The following SLK variants were observed in gnomAD, a reference collection of about 807,000 sequenced individuals.
The protein encoded by SLK is STE20 like kinase.
SLK carries 67 observed loss-of-function variants against 147.7 expected under a neutral mutation model. The observed-to-expected ratio is 0.45, with a 90% CI of 0.37 to 0.56. The LOEUF is 0.56. SLK is among the 20% of genes least tolerant of loss of function. The pLI, the probability that SLK is intolerant of heterozygous loss-of-function variation, is 0.00. For missense variants in SLK, 1,136 were observed against 1,438.8 expected, an observed-to-expected ratio of 0.79 and a Z score of 3.41; for synonymous variants, 441 against 475.0, an observed-to-expected ratio of 0.93 and a Z score of 0.93.
intron 12 of SLK, among the ~76,000 whole-genome samples, chr10:104,009,247 A>G (rs1046599587): frequency 6.6e-6 from 1 of 152,132 alleles, no homozygotes; most frequent in Non-Finnish European, 1.5e-5. Flanking sequence ...ATTGTGATCA[A>G]TTTTATTAGG....
rs1844314768 is a variant in SLK at position 104,005,635 on chromosome 10, A to G, written c.2424A>G (p.Thr808=). The change falls in exon 10 of 19, where the codon ACA becomes ACG. Residue 808 remains threonine, a synonymous_variant. Transcript: ENST00000369755. ...FIVDGVEVSV[T]TSKIVTDSDS... is the part of the protein sequence containing the mutation. ...TTGATGGTGTAGAAGTGAGTGTAAC[A>G]ACATCAAAGATAGTTACAGATAGTG... 2 of 1,608,528 alleles carry G rather than the reference A, an allele frequency of 1.2e-6. No individual in the cohort carries two copies. Among genetic ancestry groups the G allele is most frequent in the East Asian group, 4.5e-5 (2 of 44,784 alleles).
intron 1 of SLK, among the ~76,000 whole-genome samples, chr10:103,988,406 C>T (rs1324782474): frequency 4.6e-5 from 7 of 152,098 alleles, no homozygotes; most frequent in Non-Finnish European, 1.0e-4. Context: ...ATTAACGGAA[C>T]GCTAAGCTTG....
rs1397523638 is a variant in SLK, at chr10:103,999,258, G to A, written c.727G>A (p.Val243Met). The change falls in exon 6 of 19, where the codon GTG becomes ATG. Residue 243 changes from valine to methionine, a missense_variant. This residue lies in a region of SLK where 141 missense variants were observed against 219.3 expected (regional missense o/e 0.64). Transcript: ENST00000369755. ...PPHHELNPMRVLLKIAKSEPP... is the reference protein window; with the variant it reads ...PPHHELNPMRMLLKIAKSEPP... ...TCATCATGAATTAAATCCAATGCGA[G>A]TGCTGCTAAAAATAGCAAAATCTGA... 2 of 1,613,390 alleles carry A rather than the reference G, an allele frequency of 1.2e-6. No individual in the cohort carries two copies. Among genetic ancestry groups the A allele is most frequent in the East Asian group, 2.2e-5 (1 of 44,826 alleles).
In SLK at chr10:104,025,027, T is replaced by A. The variant is rs530143632; in HGVS notation, c.3562-547T>A. ...GATTTGGGGGGCACAGACATTCACA[T>A]CACAATGGTGCCTCTTACATTTCTC... On this transcript the variant is annotated intron_variant, in intron 18 of 18. Coordinates refer to ENST00000369755, the MANE Select transcript of SLK (RefSeq NM_014720.4). Among the ~76,000 whole-genome samples the A allele has an allele frequency of 3.1e-4, 47 of 152,316 alleles. 1 individual carries two copies. The highest frequency in any genetic ancestry group is 1.1e-3 in the African/African-American group (47 of 41,574).
intron 1 of SLK, among the ~76,000 whole-genome samples, chr10:103,968,816 G>GT (rs1339772896): frequency 6.6e-6 from 1 of 152,202 alleles, no homozygotes; most frequent in African/African-American, 2.4e-5. Context: ...AGGCAGGTCA[G>GT]TATTAGTATC....
At chr10:104,004,738 A>G (rs1238405516) in intron 9 of SLK, among the ~76,000 whole-genome samples, 2 of 152,220 alleles carry the variant, frequency 1.3e-5, no homozygotes, top group Non-Finnish European at 1.5e-5. Context: ...TTTCTTCCAT[A>G]TCAACACCCA....
Position 104,018,273 on chromosome 10 carries a change from G to A in SLK, c.2991G>A (p.Lys997=). ...ANIERECLNN[K]QQLMRAREAA... ...TTGAGAGAGAGTGCCTGAATAACAA[G>A]CAACAGCTCATGAGAGGTAATTTTT... Residue 997 remains lysine (K), a synonymous_variant, in exon 14 of 19, where the codon AAG becomes AAA. Coordinates refer to ENST00000369755, the MANE Select transcript of SLK (RefSeq NM_014720.4). The A allele has an allele frequency of 6.3e-7, 1 of 1,598,578 alleles. No homozygotes were observed. Among genetic ancestry groups the A allele is most frequent in the African/African-American group, 1.4e-5 (1 of 73,724 alleles).
At position 104,019,851 on chromosome 10, in the gene SLK, G is replaced by A; in HGVS notation, c.3250G>A (p.Ala1084Thr). 2 of 1,614,060 alleles carry A rather than the reference G, an allele frequency of 1.2e-6. No homozygotes were observed. Among genetic ancestry groups the A allele is most frequent in the Non-Finnish European group, 1.7e-6 (2 of 1,179,940 alleles). ...IQRSEAKTRM[A>T]MFKKSLRINS... Reference sequence around the variant, plus strand: ...GCGCAGTGAAGCCAAGACTCGAATGGCCATGTTTAAGAAGAGTTTGAGAAT... The same window carrying A: ...GCGCAGTGAAGCCAAGACTCGAATGACCATGTTTAAGAAGAGTTTGAGAAT... Residue 1084 changes from alanine to threonine, a missense_variant, in exon 16 of 19, where the codon GCC (alanine) becomes ACC (threonine). Ala to Thr is a moderately conservative substitution (Grantham distance 58, BLOSUM62 0). Transcript: ENST00000369755.
intron 1 of SLK, among the ~76,000 whole-genome samples, chr10:103,984,322 T>C (rs1843985133): frequency 6.6e-6 from 1 of 152,226 alleles, no homozygotes; most frequent in Non-Finnish European, 1.5e-5. Context: ...TTGATATTAA[T>C]ATGCTCAAAT....
At chr10:103,989,471 T>C (rs1368227159) in intron 1 of SLK, among the ~76,000 whole-genome samples, 10 of 140,646 alleles carry the variant, frequency 7.1e-5, no homozygotes, top group African/African-American at 2.5e-4. Context: ...TTTCTTTTTT[T>C]TTTTTTTTTT....
intron 10 of SLK, 61 bp downstream of exon 10, chr10:104,005,752 T>A: frequency 6.5e-7 from 1 of 1,541,120 alleles, no homozygotes; most frequent in Non-Finnish European, 8.9e-7. Flanking sequence ...CTCTGAAAAG[T>A]CAGAAGAATA....
chr10:104,000,567 C>A (rs1387031454), intron 7 of SLK, among the ~76,000 whole-genome samples: 1 of 152,124 alleles, frequency 6.6e-6, no homozygotes, highest in African/African-American at 2.4e-5. Context: ...TTGTTACCCC[C>A]ACACTTGAAG....
Position 104,025,670 on chromosome 10 carries a change from C to T in SLK, c.3658C>T (p.Arg1220Trp), listed in dbSNP as rs1290681260. ...ATGCCTTAACCCATCAACACAGAGC[C>T]GGATTTCCAAATTTTATCCTATTCC... ...SECLNPSTQS[R>W]ISKFYPIPSL... Residue 1220 changes from arginine to tryptophan, a missense_variant, in exon 19 of 19, where the codon CGG becomes TGG. By Grantham distance (101) the Arg-to-Trp change is moderately radical. Coordinates refer to ENST00000369755, the MANE Select transcript of SLK (RefSeq NM_014720.4). 5 of 1,613,790 alleles carry T rather than the reference C, an allele frequency of 3.1e-6. No individual in the cohort carries two copies. Among genetic ancestry groups the T allele is most frequent in the Admixed American group, 1.7e-5 (1 of 59,990 alleles).
At chr10:103,983,841 C>T (rs147284949) in intron 1 of SLK, among the ~76,000 whole-genome samples, 8 of 152,220 alleles carry the variant, frequency 5.3e-5, no homozygotes, top group Non-Finnish European at 1.0e-4. Context: ...TCACAGGACC[C>T]CTCTTCAGAG....
At position 104,018,200 on chromosome 10, in the gene SLK, G is replaced by A. The variant is rs1347655569; in HGVS notation, c.2918G>A (p.Gly973Asp). The change falls in exon 14 of 19, where the codon GGC (glycine) becomes GAC (aspartate). Residue 973 changes from glycine (G) to aspartate (D), a missense_variant. By Grantham distance (94) the Gly-to-Asp change is moderately conservative. Transcript: ENST00000369755. ...FVQKQQQELD[G>D]SLKKIIQQQK... ...CAGAAACAACAGCAAGAATTAGATG[G>A]CTCTCTGAAAAAGATCATCCAGCAG... is the stretch of plus-strand genomic sequence containing the variant. 1.3e-5 allele frequency: 21 copies of A among 1,606,254 alleles called. No individual in the cohort carries two copies. The highest frequency in any genetic ancestry group is 3.5e-5 in the Admixed American group (2 of 57,806).
chr10:103,986,923 G>A (rs904873255), intron 1 of SLK, among the ~76,000 whole-genome samples: 6 of 152,030 alleles, frequency 3.9e-5, no homozygotes, highest in Non-Finnish European at 7.4e-5. Flanking sequence ...TGATCCGCCC[G>A]CCTTGGCCTC....
At chr10:104,017,205 CAT>C (rs1283083084) in intron 13 of SLK, among the ~76,000 whole-genome samples, 4 of 152,278 alleles carry the variant, frequency 2.6e-5, no homozygotes, top group Non-Finnish European at 5.9e-5. Context: ...GAATCCGAAA[CAT>C]GTTTATAGAA....
chr10:104,021,522 A>G (rs1589548260), intron 17 of SLK, 98 bp from the exon 18 acceptor site: 1 of 656,074 alleles, frequency 1.5e-6, no homozygotes, highest in Non-Finnish European at 2.7e-6. Flanking sequence ...TAATAGCATG[A>G]TATTTGATGA....
Position 104,008,264 on chromosome 10 carries a change from A to G in SLK, c.2692A>G (p.Asn898Asp). ...TIERLEQEHT[N>D]RLRDEAKRIK... is the part of the protein sequence containing the mutation. ...CGAACGCCTGGAACAAGAGCACACAAATCGCTTGCGAGATGAAGCCAAACG... is the reference window on the plus strand; with the variant it reads ...CGAACGCCTGGAACAAGAGCACACAGATCGCTTGCGAGATGAAGCCAAACG... The change falls in exon 12 of 19, where the codon AAT becomes GAT. Residue 898 changes from asparagine (N) to aspartate (D), a missense_variant. Physicochemically the swap from Asn to Asp is conservative, Grantham distance 23. Coordinates refer to ENST00000369755, the MANE Select transcript of SLK (RefSeq NM_014720.4). 1 of 1,614,062 alleles carries G rather than the reference A, an allele frequency of 6.2e-7. No homozygotes were observed. The highest frequency in any genetic ancestry group is 8.5e-7 in the Non-Finnish European group (1 of 1,179,966).
Sources: allele counts gnomAD v4.1 joint callset (sites outside exome capture counted in the v4.1 genomes callset), GRCh38; gene constraint gnomAD v4.1.1; regional missense constraint gnomAD v4.1.1; transcripts MANE v1.5; gene names NCBI Gene and HGNC (gene_info 2026-07-23, HGNC 2026-07-21).